RALGAPA2: variants seen among roughly 807,000 people sequenced by gnomAD.
RALGAPA2 encodes the protein ral GTPase-activating protein subunit alpha-2.
A neutral mutation model predicts 230.4 loss-of-function variants in RALGAPA2; 139 were observed. The ratio of observed to expected loss-of-function variants is 0.60; its 90% CI spans 0.53 to 0.69. RALGAPA2 has a LOEUF of 0.69. Ranked by LOEUF, RALGAPA2 falls within the 30% of genes least tolerant of loss-of-function variation. The pLI is 0.00. For synonymous variants in RALGAPA2, 847 were observed against 837.8 expected (o/e 1.01, Z -0.19); for missense variants, 2,163 against 2,276.0 (o/e 0.95, Z 1.01).
intron 36 of RALGAPA2, among the ~76,000 whole-genome samples, chr20:20,474,110 G>C (rs550823110): frequency 3.9e-5 from 6 of 152,344 alleles, no homozygotes; most frequent in South Asian, 2.1e-4. Flanking sequence ...GGGGTCTCCA[G>C]TTGGCTCTAA....
Position 20,408,789 on chromosome 20 carries a change from T to C in RALGAPA2, c.5617+3238A>G, listed in dbSNP as rs142882781. Among the ~76,000 whole-genome samples, 125 of 152,254 alleles carry C rather than the reference T, an allele frequency of 8.2e-4. 1 individual carries two copies. Among genetic ancestry groups the C allele is most frequent in the Non-Finnish European group, 1.6e-3 (112 of 68,026 alleles). ...TATAAATGTATTTATACATAAAACA[T>C]ATATATGTTAATTGCAACCAATATT... On this transcript the variant is annotated intron_variant, in intron 38 of 39. Transcript: ENST00000202677.
chr20:20,703,202 A>G (rs1021647796), intron 1 of RALGAPA2, among the ~76,000 whole-genome samples: 1 of 152,196 alleles, frequency 6.6e-6, no homozygotes, highest in Non-Finnish European at 1.5e-5. Context: ...AACTATTTTT[A>G]AAATAGCTGT....
chr20:20,529,749 T>A (rs1002789391), intron 27 of RALGAPA2, among the ~76,000 whole-genome samples: 1 of 152,194 alleles, frequency 6.6e-6, no homozygotes, highest in Non-Finnish European at 1.5e-5. Context: ...TAATATTCTT[T>A]ATGATGTTCA....
intron 1 of RALGAPA2, among the ~76,000 whole-genome samples, chr20:20,700,949 C>T (rs913619803): frequency 1.3e-5 from 2 of 152,200 alleles, no homozygotes; most frequent in Admixed American, 1.3e-4. Context: ...CTCAACTCCC[C>T]AGTAGACTTA....
intron 36 of RALGAPA2, among the ~76,000 whole-genome samples, chr20:20,490,919 CT>C (rs1446347714): frequency 6.6e-6 from 1 of 151,160 alleles, no homozygotes; most frequent in Non-Finnish European, 1.5e-5. Flanking sequence ...CTCACAATAG[CT>C]GCTGAACCTT....
At chr20:20,503,306 T>C (rs772990647) in intron 35 of RALGAPA2, 45 bp downstream of exon 35, 8 of 1,430,186 alleles carry the variant, frequency 5.6e-6, no homozygotes, top group Non-Finnish European at 7.6e-6. Flanking sequence ...GAGCCTCACC[T>C]ACAAACCAGG....
intron 37 of RALGAPA2, among the ~76,000 whole-genome samples, chr20:20,426,566 C>T (rs1034183515): frequency 4.6e-5 from 7 of 152,136 alleles, no homozygotes; most frequent in Non-Finnish European, 7.3e-5. Context: ...GATGCTTCTG[C>T]TTAGGGGTGA....
At position 20,392,718 on chromosome 20, in the gene RALGAPA2, T is replaced by C. The variant is rs2059624613; in HGVS notation, c.*571A>G. 6.3e-6 allele frequency: 1 copy of C among 158,798 alleles called. No individual in the cohort carries two copies. Among genetic ancestry groups the C allele is most frequent in the South Asian group, 1.7e-4 (1 of 5,738 alleles). 9.8% of individuals were successfully genotyped at this position (158,798 alleles called of 1,614,324 possible). A position where few individuals can be genotyped will look rare whatever the true frequency, so the allele number is the denominator to read the frequency against. ...AAAGCCAATTTCCATGATGATGAAA[T>C]TTTTGAGTAAACCATAAATCCTAAC... On this transcript the variant is annotated 3_prime_UTR_variant, in exon 40 of 40. Transcript: ENST00000202677.
intron 10 of RALGAPA2, among the ~76,000 whole-genome samples, chr20:20,625,689 T>TA (rs764551062): frequency 2.0e-5 from 3 of 151,968 alleles, no homozygotes; most frequent in Non-Finnish European, 4.4e-5. Context: ...TTTCATTGTT[T>TA]AAAAAAAATA....
At chr20:20,546,138 A>G (rs1206021068) in intron 24 of RALGAPA2, among the ~76,000 whole-genome samples, 1 of 152,216 alleles carries the variant, frequency 6.6e-6, no homozygotes, top group Non-Finnish European at 1.5e-5. Context: ...AAATGTAGAG[A>G]GTAAAAATAA....
rs1282366119 is a variant in RALGAPA2, at chr20:20,594,723, ACTTT to A, written c.2204-3413_2204-3410del. Among the ~76,000 whole-genome samples, 26 of 148,186 alleles carry A rather than the reference ACTTT, an allele frequency of 1.8e-4. 1 individual carries two copies. The East Asian group carries it at 4.5e-3, about 26-fold the overall frequency. On this transcript the variant is annotated intron_variant, in intron 16 of 39. Transcript: ENST00000202677. ...TACACAATACCATTACTAAACTATT[ACTTT>A]CTTTTTTTTTTTTTTTTTTGAGATG...
In RALGAPA2 at chr20:20,558,230, T is replaced by A. The variant is rs180752449; in HGVS notation, c.3157-11398A>T. Among the ~76,000 whole-genome samples, 802 of 152,262 alleles carry A rather than the reference T, an allele frequency of 5.3e-3. 6 individuals carry two copies. The highest frequency in any genetic ancestry group is 0.018 in the African/African-American group (765 of 41,552). On this transcript the variant is annotated intron_variant, in intron 23 of 39. Coordinates refer to ENST00000202677, the MANE Select transcript of RALGAPA2 (RefSeq NM_020343.4). ...CATGTTGGCCAGGCTGGTCTTGAACTTCTGACCTCAGGTGATCCACCCGCC... is the reference window on the plus strand; with the variant it reads ...CATGTTGGCCAGGCTGGTCTTGAACATCTGACCTCAGGTGATCCACCCGCC...
intron 36 of RALGAPA2, among the ~76,000 whole-genome samples, chr20:20,491,457 T>TA (rs1569441702): frequency 6.6e-6 from 1 of 152,156 alleles, no homozygotes. Flanking sequence ...TGCCTGGAAA[T>TA]AAACATGCCC....
At chr20:20,630,664 T>C (rs2066642131) in intron 9 of RALGAPA2, among the ~76,000 whole-genome samples, 1 of 152,220 alleles carries the variant, frequency 6.6e-6, no homozygotes. Context: ...TTATTCTTTT[T>C]CTATCTGAAG....
chr20:20,441,622 G>A (rs1005502950), intron 37 of RALGAPA2, among the ~76,000 whole-genome samples: 1 of 152,186 alleles, frequency 6.6e-6, no homozygotes, highest in Non-Finnish European at 1.5e-5. Context: ...AATGCTCTAG[G>A]TTGCCCATGG....
intron 10 of RALGAPA2, among the ~76,000 whole-genome samples, chr20:20,627,299 C>A (rs1183199146): frequency 6.6e-6 from 1 of 152,088 alleles, no homozygotes; most frequent in African/African-American, 2.4e-5. Flanking sequence ...AAGATGCAAA[C>A]ATGAATACAG....
chr20:20,563,837 ACACACATG>A (rs2064330572), intron 23 of RALGAPA2, among the ~76,000 whole-genome samples: 2 of 152,118 alleles, frequency 1.3e-5, no homozygotes, highest in South Asian at 4.1e-4. Context: ...ACACACACAC[ACACACATG>A]CACAAAACAC....
At chr20:20,521,219 G>GA in intron 30 of RALGAPA2, 119 bp from the exon 31 acceptor site, 1 of 748,712 alleles carries the variant, frequency 1.3e-6, no homozygotes, top group Non-Finnish European at 2.1e-6. Flanking sequence ...GCTGGAAATG[G>GA]AATGACCACT....
intron 37 of RALGAPA2, among the ~76,000 whole-genome samples, chr20:20,456,694 C>T (rs1038411306): frequency 3.3e-5 from 5 of 152,244 alleles, no homozygotes; most frequent in Non-Finnish European, 5.9e-5. Context: ...CCAAGCTGTT[C>T]CAGCTATGCC....
Sources: allele counts gnomAD v4.1 joint callset (sites outside exome capture counted in the v4.1 genomes callset), GRCh38; gene constraint gnomAD v4.1.1; transcripts MANE v1.5; gene names NCBI Gene and HGNC (gene_info 2026-07-23, HGNC 2026-07-21).